GRID2: variants seen among roughly 807,000 people sequenced by gnomAD.
GRID2 encodes glutamate ionotropic receptor delta type subunit 2.
In GRID2, 33 loss-of-function variants were observed where a neutral mutation model predicts 114.8. That is an observed-to-expected ratio of 0.29 (90% confidence interval 0.22 to 0.38). The LOEUF is 0.38. GRID2 is among the 10% of genes least tolerant of loss of function. GRID2 has a pLI of 1.00. For missense variants in GRID2, 1,184 were observed against 1,257.7 expected (o/e 0.94, Z 0.89); for synonymous variants, 505 against 449.9 (o/e 1.12, Z -1.55).
intron 2 of GRID2, among the ~76,000 whole-genome samples, chr4:92,966,344 A>C (rs1369263356): frequency 6.6e-6 from 1 of 151,966 alleles, no homozygotes; most frequent in Non-Finnish European, 1.5e-5. Context: ...TCGGCCAAAA[A>C]GGATAAGGTG....
chr4:93,050,726 G>T (rs1578851186), intron 2 of GRID2, among the ~76,000 whole-genome samples: 1 of 151,910 alleles, frequency 6.6e-6, no homozygotes, highest in Non-Finnish European at 1.5e-5. Flanking sequence ...AGACTGGATA[G>T]TCCTGTCCTA....
At chr4:92,933,998 G>C (rs1275360446) in intron 2 of GRID2, among the ~76,000 whole-genome samples, 3 of 151,492 alleles carry the variant, frequency 2.0e-5, no homozygotes, top group Middle Eastern at 3.2e-3. Context: ...CTCTATAAAA[G>C]ATTGCAAGTA....
At chr4:93,360,438 AC>A (rs1761784676) in intron 8 of GRID2, among the ~76,000 whole-genome samples, 1 of 151,886 alleles carries the variant, frequency 6.6e-6, no homozygotes, top group Non-Finnish European at 1.5e-5. Context: ...ATTTGGCTTT[AC>A]CCCATAGGTC....
chr4:92,388,050 G>A (rs1387738289), intron 1 of GRID2, among the ~76,000 whole-genome samples: 9 of 151,940 alleles, frequency 5.9e-5, no homozygotes, highest in Admixed American at 6.6e-5. Context: ...TTTTGTTACC[G>A]TTGTTGGACA....
chr4:92,931,950 T>C (rs1750272987), intron 2 of GRID2, among the ~76,000 whole-genome samples: 1 of 151,282 alleles, frequency 6.6e-6, no homozygotes, highest in Non-Finnish European at 1.5e-5. Flanking sequence ...TTTCATTTTA[T>C]TTCACACATA....
intron 2 of GRID2, among the ~76,000 whole-genome samples, chr4:92,802,972 C>G (rs967777014): frequency 6.6e-6 from 1 of 151,874 alleles, no homozygotes; most frequent in Non-Finnish European, 1.5e-5. Context: ...TGAGAAAACC[C>G]AAGATTGCCC....
rs376359850 is a variant in GRID2, at chr4:93,538,419, A to G, written c.2193+23008A>G. On this transcript the variant is annotated intron_variant, in intron 13 of 15. Coordinates refer to ENST00000282020, the MANE Select transcript of GRID2 (RefSeq NM_001510.4). ...AATTATTGAATAAAAAAAGTGGGAGAAGAAACAAATATTTCTTACAGAGAA... is the reference window on the plus strand; with the variant it reads ...AATTATTGAATAAAAAAAGTGGGAGGAGAAACAAATATTTCTTACAGAGAA... Among the ~76,000 whole-genome samples, 145 of 151,918 alleles carry G rather than the reference A, an allele frequency of 9.5e-4. 2 individuals are homozygous for G. The South Asian group carries it at 0.028, about 29-fold the overall frequency.
intron 4 of GRID2, among the ~76,000 whole-genome samples, chr4:93,132,220 C>A (rs564642755): frequency 1.3e-5 from 2 of 152,180 alleles, no homozygotes; most frequent in African/African-American, 4.8e-5. Context: ...TTCACATTCT[C>A]CTCAGTATTT....
At chr4:93,228,844 T>C (rs1329827644) in intron 7 of GRID2, among the ~76,000 whole-genome samples, 1 of 152,150 alleles carries the variant, frequency 6.6e-6, no homozygotes, top group Non-Finnish European at 1.5e-5. Flanking sequence ...GAAAACACTT[T>C]AGTGAGAGGA....
rs200379076 is a variant in GRID2, at chr4:93,679,967, C to CA, written c.2360+53538dup. 7.8e-3 allele frequency among the ~76,000 whole-genome samples: 1,180 copies of CA among 151,056 alleles called. 26 individuals are homozygous for CA. The highest frequency in any genetic ancestry group is 0.024 in the Middle Eastern group (7 of 294). The stretch of plus-strand genomic sequence containing the variant: ...GGAAATAGAGACCAAAAAAACCTTT[C>CA]AAAAAATTAATGAATCCAGGAGCTG... On this transcript the variant is annotated intron_variant, in intron 14 of 15. Transcript: ENST00000282020.
chr4:92,455,044 A>G (rs1721134642), intron 1 of GRID2, among the ~76,000 whole-genome samples: 1 of 152,198 alleles, frequency 6.6e-6, no homozygotes. Flanking sequence ...CTTCATGATT[A>G]TGGAATGAAA....
At chr4:92,913,026 A>T (rs960712399) in intron 2 of GRID2, among the ~76,000 whole-genome samples, 1 of 151,846 alleles carries the variant, frequency 6.6e-6, no homozygotes, top group Non-Finnish European at 1.5e-5. Context: ...ATTTTGATTT[A>T]TTAAAGAGGA....
chr4:92,689,768 C>T (rs1175931965), intron 2 of GRID2, among the ~76,000 whole-genome samples: 2 of 152,330 alleles, frequency 1.3e-5, no homozygotes, highest in Non-Finnish European at 1.5e-5. Flanking sequence ...GCAGCTTCTA[C>T]AGGAGCATGT....
chr4:92,470,872 A>G (rs1240143781), intron 1 of GRID2, among the ~76,000 whole-genome samples: 2 of 152,082 alleles, frequency 1.3e-5, no homozygotes, highest in African/African-American at 4.8e-5. Context: ...AGATTTAAAA[A>G]TGATGCTTTC....
intron 2 of GRID2, among the ~76,000 whole-genome samples, chr4:92,714,288 G>C (rs1286461928): frequency 6.6e-6 from 1 of 152,200 alleles, no homozygotes; most frequent in East Asian, 1.9e-4. Context: ...TGCAAGAAGT[G>C]GGTTCCCACA....
intron 2 of GRID2, among the ~76,000 whole-genome samples, chr4:93,053,778 A>G (rs140581058): frequency 6.6e-6 from 1 of 152,118 alleles, no homozygotes; most frequent in African/African-American, 2.4e-5. Flanking sequence ...CTGTATAAAA[A>G]GGAGTAGAGG....
At chr4:93,608,342 G>A (rs1740536713) in intron 13 of GRID2, among the ~76,000 whole-genome samples, 2 of 122,746 alleles carry the variant, frequency 1.6e-5, no homozygotes, top group Admixed American at 8.7e-5. Flanking sequence ...TTAAGTTTTA[G>A]GGTACATGTG....
intron 2 of GRID2, among the ~76,000 whole-genome samples, chr4:92,929,903 A>G (rs1178112282): frequency 6.6e-6 from 1 of 151,376 alleles, no homozygotes; most frequent in Non-Finnish European, 1.5e-5. Context: ...TATATTAAAC[A>G]TACATTCTTT....
At chr4:93,126,875 G>A (rs1453573550) in intron 4 of GRID2, among the ~76,000 whole-genome samples, 6 of 152,054 alleles carry the variant, frequency 3.9e-5, no homozygotes, top group Non-Finnish European at 8.8e-5. Flanking sequence ...GGGATTACAG[G>A]CGTGAGCCAG....
Sources: allele counts gnomAD v4.1 joint callset (sites outside exome capture counted in the v4.1 genomes callset), GRCh38; gene constraint gnomAD v4.1.1; transcripts MANE v1.5; gene names NCBI Gene and HGNC (gene_info 2026-07-23, HGNC 2026-07-21).